Variants in OSBPL3 observed in about 807,000 individuals in gnomAD.
OSBPL3 encodes oxysterol-binding protein-related protein 3.
A neutral mutation model predicts 120.1 loss-of-function variants in OSBPL3; 65 were observed. The ratio of observed to expected loss-of-function variants is 0.54; its 90% CI spans 0.44 to 0.67. The LOEUF (loss-of-function observed/expected upper bound fraction) is 0.67. OSBPL3 is among the 30% of genes least tolerant of loss of function. The pLI is 0.00. For missense variants in OSBPL3, 1,004 were observed against 1,082.1 expected, an observed-to-expected ratio of 0.93 and a Z score of 1.01; for synonymous variants, 416 against 402.6, an observed-to-expected ratio of 1.03 and a Z score of -0.40.
At chr7:24,906,076 G>C (rs17150503) in intron 1 of OSBPL3, 3 of 153,386 alleles carry the variant, frequency 2.0e-5, no homozygotes, top group Admixed American at 1.3e-4. Context: ...TGGTGAAGCA[G>C]AACAAGTAAT....
chr7:24,866,027 G>C, intron 6 of OSBPL3, 43 bp downstream of exon 6: 1 of 1,545,038 alleles, frequency 6.5e-7, no homozygotes, highest in Non-Finnish European at 8.9e-7. Flanking sequence ...ATGAAACAAA[G>C]CCACCCCGTT....
rs1264720086 is a variant in OSBPL3, at chr7:24,800,068, C to G, written c.*115G>C. The G allele has an allele frequency of 6.8e-6, 4 of 587,756 alleles. No homozygotes were observed. The highest frequency in any genetic ancestry group is 5.6e-5 in the Admixed American group (2 of 35,586). The allele number at this position is 587,756 out of a possible 1,614,324, so 36.4% of individuals were successfully genotyped here. A position where few individuals can be genotyped will look rare whatever the true frequency, so the allele number is the denominator to read the frequency against. ...AGACTTAAAGAGTTACAATGCTAAGCTAAGCACAAGTGATCATCCTAGAGT... is the reference window on the plus strand; with the variant it reads ...AGACTTAAAGAGTTACAATGCTAAGGTAAGCACAAGTGATCATCCTAGAGT... On this transcript the variant is annotated 3_prime_UTR_variant, in exon 23 of 23. Transcript: ENST00000313367.
intron 22 of OSBPL3, among the ~76,000 whole-genome samples, chr7:24,800,498 C>A (rs542682856): frequency 7.1e-6 from 1 of 141,020 alleles, no homozygotes; most frequent in African/African-American, 2.6e-5. Flanking sequence ...GCTCTGTCAT[C>A]CAGGCTGGAG....
intron 20 of OSBPL3, among the ~76,000 whole-genome samples, chr7:24,809,260 T>C (rs1484414416): frequency 6.6e-6 from 1 of 152,174 alleles, no homozygotes; most frequent in Non-Finnish European, 1.5e-5. Context: ...TGGAATAAGA[T>C]GTTAAAGTAT....
At chr7:24,935,973 G>T (rs775168877) in intron 1 of OSBPL3, among the ~76,000 whole-genome samples, 40 of 151,688 alleles carry the variant, frequency 2.6e-4, no homozygotes, top group Middle Eastern at 3.2e-3. Context: ...ATGCTGGTGT[G>T]CTGCACCCAT....
At chr7:24,971,025 G>C (rs1236587853) in intron 1 of OSBPL3, among the ~76,000 whole-genome samples, 1 of 152,182 alleles carries the variant, frequency 6.6e-6, no homozygotes, top group East Asian at 1.9e-4. Context: ...TCTCAAACTG[G>C]GTGTCACCTA....
intron 14 of OSBPL3, among the ~76,000 whole-genome samples, chr7:24,839,106 T>A (rs910375838): frequency 6.6e-6 from 1 of 152,192 alleles, no homozygotes; most frequent in African/African-American, 2.4e-5. Context: ...CGTTCACACA[T>A]ACACACTGAG....
At chr7:24,929,520 T>A (rs1272898097) in intron 1 of OSBPL3, among the ~76,000 whole-genome samples, 3 of 152,216 alleles carry the variant, frequency 2.0e-5, no homozygotes, top group Non-Finnish European at 4.4e-5. Flanking sequence ...CTTTTTTTTT[T>A]ACAGACTGTC....
rs117709363 is a variant in OSBPL3, at chr7:24,830,938, C to T, written c.1747-33G>A. ...CAAGAGAAAAGAACTTTGTCATTTC[C>T]GTGTCACCAAGAGCTTTATTGTTCA... On this transcript the variant is annotated intron_variant, in intron 15 of 22. Coordinates refer to ENST00000313367, the MANE Select transcript of OSBPL3 (RefSeq NM_015550.4). This position sits in a 1 kb window ranked among gnomAD's most constrained non-coding sequence, Gnocchi z 4.4. 761 of 1,563,194 alleles carry T rather than the reference C, an allele frequency of 4.9e-4. 8 individuals are homozygous for T. In the East Asian group the frequency reaches 0.017, roughly 34 times the overall value.
chr7:24,837,255 G>A (rs1797119283), intron 14 of OSBPL3, among the ~76,000 whole-genome samples: 1 of 152,166 alleles, frequency 6.6e-6, no homozygotes, highest in Non-Finnish European at 1.5e-5. Flanking sequence ...TCAGGCTGGA[G>A]TGCGGTGGTA....
intron 1 of OSBPL3, among the ~76,000 whole-genome samples, chr7:24,924,278 G>A (rs1584635515): frequency 6.6e-6 from 1 of 152,246 alleles, no homozygotes; most frequent in African/African-American, 2.4e-5. Context: ...AAAATACCGA[G>A]GGAGATAATA....
rs1793288670 is a variant in OSBPL3, at chr7:24,808,027, A to T, written c.2318-1125T>A. Among the ~76,000 whole-genome samples the T allele has an allele frequency of 6.6e-6, 1 of 152,110 alleles. No homozygotes were observed. Among genetic ancestry groups the T allele is most frequent in the Non-Finnish European group, 1.5e-5 (1 of 68,018 alleles). On this transcript the variant is annotated intron_variant, in intron 20 of 22. Coordinates refer to ENST00000313367, the MANE Select transcript of OSBPL3 (RefSeq NM_015550.4). This position sits in a 1 kb window ranked among gnomAD's most constrained non-coding sequence, Gnocchi z 4.6. Reference sequence around the variant, plus strand: ...ATTCTCATGCCTCACCCTCCTGAGTAGCTGGGACTACAGTAGATGCACACC... The same window carrying T: ...ATTCTCATGCCTCACCCTCCTGAGTTGCTGGGACTACAGTAGATGCACACC...
chr7:24,808,452 A>T lies in OSBPL3; in HGVS notation c.2317+1355T>A, dbSNP rs1225007619. Among the ~76,000 whole-genome samples the T allele has an allele frequency of 1.3e-5, 2 of 152,240 alleles. No individual in the cohort carries two copies. The highest frequency in any genetic ancestry group is 2.9e-5 in the Non-Finnish European group (2 of 68,052). On this transcript the variant is annotated intron_variant, in intron 20 of 22. Coordinates refer to ENST00000313367, the MANE Select transcript of OSBPL3 (RefSeq NM_015550.4). This position sits in a 1 kb window ranked among gnomAD's most constrained non-coding sequence, Gnocchi z 4.6. ...GTTGCTTTATCAAGGTGGTACTTTA[A>T]CACTGAGACAGGATCGCAGTTCTCA...
intron 10 of OSBPL3, among the ~76,000 whole-genome samples, chr7:24,857,282 T>C (rs1799953344): frequency 6.6e-6 from 1 of 152,208 alleles, no homozygotes; most frequent in Non-Finnish European, 1.5e-5. Context: ...CCCTAAAACA[T>C]CATTTGCTTC....
rs1811898183 is a variant in OSBPL3 at position 24,932,426 on chromosome 7, G to A, written c.-149-39805C>T. On this transcript the variant is annotated intron_variant, in intron 1 of 22. Coordinates refer to ENST00000313367, the MANE Select transcript of OSBPL3 (RefSeq NM_015550.4). The surrounding 1 kb of genome is among the most constrained non-coding windows in gnomAD (Gnocchi z 5.6). ...CTAGAGAAAATGAAAGGGAAAAGGG[G>A]GTGCTCTGGTGAGAATGTTGATGTC... Among the ~76,000 whole-genome samples, 1 of 152,056 alleles carries A rather than the reference G, an allele frequency of 6.6e-6. No homozygotes were observed. Among genetic ancestry groups the A allele is most frequent in the Non-Finnish European group, 1.5e-5 (1 of 68,016 alleles).
intron 2 of OSBPL3, among the ~76,000 whole-genome samples, chr7:24,882,397 G>C (rs1803835274): frequency 6.6e-6 from 1 of 151,998 alleles, no homozygotes; most frequent in South Asian, 2.1e-4. Context: ...ATAATGACCT[G>C]GTCCAGTTCC....
intron 1 of OSBPL3, among the ~76,000 whole-genome samples, chr7:24,927,832 A>G (rs1333113509): frequency 6.6e-6 from 1 of 152,146 alleles, no homozygotes; most frequent in East Asian, 1.9e-4. Flanking sequence ...CTCTTTTTGT[A>G]AAGAAAAAAA....
Position 24,932,639 on chromosome 7 carries a change from C to A in OSBPL3, c.-149-40018G>T, listed in dbSNP as rs1204309511. On this transcript the variant is annotated intron_variant, in intron 1 of 22. Coordinates refer to ENST00000313367, the MANE Select transcript of OSBPL3 (RefSeq NM_015550.4). This position sits in a 1 kb window ranked among gnomAD's most constrained non-coding sequence, Gnocchi z 5.6. The stretch of plus-strand genomic sequence containing the variant: ...CACACAGCAAAAAGGCACTGTCTAC[C>A]AACCAAAAAACGAGCCTCCCAAGAC... 6.6e-6 allele frequency among the ~76,000 whole-genome samples: 1 copy of A among 152,078 alleles called. No homozygotes were observed. Among genetic ancestry groups the A allele is most frequent in the African/African-American group, 2.4e-5 (1 of 41,410 alleles).
chr7:24,825,783 C>G (rs1046291766), intron 16 of OSBPL3, among the ~76,000 whole-genome samples: 1 of 152,072 alleles, frequency 6.6e-6, no homozygotes, highest in Admixed American at 6.6e-5. Flanking sequence ...CAGAGTCCTC[C>G]AATAAATAAC....
Sources: allele counts gnomAD v4.1 joint callset (sites outside exome capture counted in the v4.1 genomes callset), GRCh38; gene constraint gnomAD v4.1.1; non-coding constraint Gnocchi (gnomAD v3.1); transcripts MANE v1.5; gene names NCBI Gene and HGNC (gene_info 2026-07-23, HGNC 2026-07-21).